The following TCEA1 variants were observed in gnomAD, a reference collection of about 807,000 sequenced individuals.
TCEA1 encodes transcription elongation factor A protein 1.
TCEA1 carries 21 observed loss-of-function variants against 43.8 expected under a neutral mutation model. The ratio of observed to expected loss-of-function variants is 0.48; its 90% CI spans 0.34 to 0.69. TCEA1 has a LOEUF of 0.69. Ranked by LOEUF, TCEA1 falls within the 30% of genes least tolerant of loss-of-function variation. The probability of loss-of-function intolerance (pLI) is 0.01; values close to 1 mark genes in which losing one functional copy is unlikely to be tolerated. For synonymous variants in TCEA1, 104 were observed against 117.5 expected (o/e 0.88, Z 0.75); for missense variants, 250 against 365.1 (o/e 0.68, Z 2.57).
intron 7 of TCEA1, among the ~76,000 whole-genome samples, chr8:53,980,512 T>C (rs1293187735): frequency 6.6e-6 from 1 of 152,216 alleles, no homozygotes; most frequent in Non-Finnish European, 1.5e-5. Flanking sequence ...ATTCCAAGCA[T>C]TTTCACTATT....
At chr8:54,004,968 T>G (rs1032321790) in intron 2 of TCEA1, among the ~76,000 whole-genome samples, 4 of 150,194 alleles carry the variant, frequency 2.7e-5, no homozygotes, top group Non-Finnish European at 4.4e-5. Flanking sequence ...TAGCCGAATC[T>G]ATTACTAGCC....
intron 2 of TCEA1, among the ~76,000 whole-genome samples, chr8:54,009,176 A>G (rs1475452064): frequency 6.6e-6 from 1 of 152,098 alleles, no homozygotes; most frequent in Non-Finnish European, 1.5e-5. Context: ...CAAAAAAAAA[A>G]AACAGATGCT....
At chr8:53,972,320 AGAGAATGGT>A (rs1306044865) in intron 8 of TCEA1, 14 of 462,754 alleles carry the variant, frequency 3.0e-5, no homozygotes, top group African/African-American at 2.4e-4. Context: ...AGGAGGATGA[AGAGAATGGT>A]GAGGATGATG....
chr8:54,002,757 T>C (rs1359219638), intron 2 of TCEA1: 3 of 380,150 alleles, frequency 7.9e-6, no homozygotes, highest in Non-Finnish European at 1.6e-5. Context: ...TGTGGGATTA[T>C]AACTGTTTTC....
intron 8 of TCEA1, chr8:53,971,137 G>A (rs907330080): frequency 2.6e-5 from 4 of 152,178 alleles, no homozygotes; most frequent in East Asian, 3.8e-4. Context: ...GCTTACAAAG[G>A]TTTTTGGGTT....
intron 3 of TCEA1, among the ~76,000 whole-genome samples, chr8:53,997,094 G>A (rs1044104562): frequency 6.6e-6 from 1 of 151,854 alleles, no homozygotes; most frequent in African/African-American, 2.4e-5. Context: ...TTTTTTAGTA[G>A]AGATGGGGTT....
Position 53,994,619 on chromosome 8 carries a change from A to G in TCEA1, c.233-864T>C, listed in dbSNP as rs546718789. ...CACAGTGGTTCATGCCTGCAATCCC[A>G]GCACTTTGGAAGGCCACGGCGGGCA... On this transcript the variant is annotated intron_variant, in intron 3 of 9. Transcript: ENST00000521604. 4.1e-3 allele frequency among the ~76,000 whole-genome samples: 619 copies of G among 152,268 alleles called. 4 individuals carry two copies. Among genetic ancestry groups the G allele is most frequent in the African/African-American group, 0.014 (591 of 41,558 alleles).
intron 3 of TCEA1, among the ~76,000 whole-genome samples, chr8:53,995,311 A>G (rs112657140): frequency 0.16 from 23,642 of 148,536 alleles, 3,099 homozygotes; most frequent in East Asian, 0.65. Context: ...AAAAAAAAAA[A>G]AAAAGAAAAA....
intron 8 of TCEA1, chr8:53,973,533 CAGA>C (rs1399687316): frequency 9.7e-6 from 5 of 515,072 alleles, no homozygotes; most frequent in African/African-American, 2.0e-5. Flanking sequence ...GGCACATCTC[CAGA>C]AGAAGAAACC....
At chr8:53,989,127 C>T (rs567980602) in intron 4 of TCEA1, among the ~76,000 whole-genome samples, 1 of 152,024 alleles carries the variant, frequency 6.6e-6, no homozygotes, top group East Asian at 1.9e-4. Flanking sequence ...CAGTGAGTTC[C>T]CCAGTGAGAC....
intron 4 of TCEA1, among the ~76,000 whole-genome samples, chr8:53,989,314 A>T (rs779262913): frequency 8.5e-5 from 13 of 152,200 alleles, no homozygotes; most frequent in Non-Finnish European, 1.8e-4. Flanking sequence ...TCTTTCCAAA[A>T]TAATCTTCAT....
intron 1 of TCEA1, among the ~76,000 whole-genome samples, chr8:54,017,812 C>T (rs1039908541): frequency 1.3e-5 from 2 of 152,026 alleles, no homozygotes; most frequent in Middle Eastern, 3.2e-3. Flanking sequence ...CCCAGCTACT[C>T]GGGAAGCTGA....
At chr8:53,972,675 T>C (rs1803195365) in intron 8 of TCEA1, 3 of 629,770 alleles carry the variant, frequency 4.8e-6, no homozygotes, top group East Asian at 6.7e-5. Flanking sequence ...AGTAGAGCTA[T>C]TAAGTGTTCC....
At chr8:54,013,576 G>T (rs966395499) in intron 1 of TCEA1, among the ~76,000 whole-genome samples, 1 of 150,958 alleles carries the variant, frequency 6.6e-6, no homozygotes, top group Non-Finnish European at 1.5e-5. Context: ...AGCTACTCAG[G>T]AGGCTGAGGC....
intron 3 of TCEA1, chr8:53,999,742 A>G: frequency 2.2e-6 from 1 of 454,416 alleles, no homozygotes; most frequent in Non-Finnish European, 3.9e-6. Context: ...AAAGTTAAGA[A>G]AGCCAAATTT....
chr8:53,978,748 G>C (rs560354852), intron 8 of TCEA1: 1 of 304,684 alleles, frequency 3.3e-6, no homozygotes, highest in Non-Finnish European at 6.1e-6. Context: ...ACAGTATCTT[G>C]TTATAATTAT....
chr8:53,997,539 A>AT (rs1804099787), intron 3 of TCEA1, among the ~76,000 whole-genome samples: 1 of 152,184 alleles, frequency 6.6e-6, no homozygotes, highest in African/African-American at 2.4e-5. Context: ...CCAACTGGGG[A>AT]TGTACAACCT....
At chr8:54,008,942 T>C (rs34009381) in intron 2 of TCEA1, among the ~76,000 whole-genome samples, 2,030 of 151,370 alleles carry the variant, frequency 0.013, 28 homozygotes, top group Middle Eastern at 0.055. Context: ...CTCCACTTCC[T>C]GGGTTCAACT....
chr8:53,975,811 T>G (rs1002387609), intron 8 of TCEA1, among the ~76,000 whole-genome samples: 3 of 152,172 alleles, frequency 2.0e-5, no homozygotes, highest in African/African-American at 7.2e-5. Flanking sequence ...GGAGACTGGA[T>G]GTACAGCACT....
Sources: allele counts gnomAD v4.1 joint callset (sites outside exome capture counted in the v4.1 genomes callset), GRCh38; gene constraint gnomAD v4.1.1; transcripts MANE v1.5; gene names NCBI Gene and HGNC (gene_info 2026-07-23, HGNC 2026-07-21).